Variants in IARS1 observed in about 807,000 individuals in gnomAD.
IARS1 encodes isoleucine--tRNA ligase, cytoplasmic.
In IARS1, 124 loss-of-function variants were observed where a neutral mutation model predicts 168.2. The ratio of observed to expected loss-of-function variants is 0.74; its 90% CI spans 0.64 to 0.86. The LOEUF is 0.86. Ranked by LOEUF, IARS1 falls within the 40% of genes least tolerant of loss-of-function variation. The pLI, the probability that IARS1 is intolerant of heterozygous loss-of-function variation, is 0.00. For missense variants in IARS1, 1,452 were observed against 1,515.8 expected, an observed-to-expected ratio of 0.96 and a Z score of 0.70; for synonymous variants, 532 against 529.4, an observed-to-expected ratio of 1.00 and a Z score of -0.07.
chr9:92,253,836 T>A (rs1370958395), intron 20 of IARS1: 1 of 486,794 alleles, frequency 2.1e-6, no homozygotes, highest in Non-Finnish European at 4.1e-6. Context: ...CTTTCCATTG[T>A]ATTACACTGT....
At chr9:92,290,897 C>T (rs1836215361) in intron 1 of IARS1, among the ~76,000 whole-genome samples, 1 of 152,062 alleles carries the variant, frequency 6.6e-6, no homozygotes, top group African/African-American at 2.4e-5. Flanking sequence ...TTGAGGAAAA[C>T]TGGTAAAACT....
At chr9:92,248,899 T>C (rs144269876) in intron 25 of IARS1, among the ~76,000 whole-genome samples, 2 of 152,262 alleles carry the variant, frequency 1.3e-5, no homozygotes, top group African/African-American at 2.4e-5. Context: ...GTAAAACATA[T>C]GCGTTTTTAA....
At chr9:92,243,918 G>A (rs184730675) in intron 27 of IARS1, among the ~76,000 whole-genome samples, 4 of 152,160 alleles carry the variant, frequency 2.6e-5, no homozygotes, top group Admixed American at 2.0e-4. Context: ...TGACACTATC[G>A]CTTCTGTTAC....
intron 17 of IARS1, among the ~76,000 whole-genome samples, chr9:92,260,644 G>C (rs2133795923): frequency 6.6e-6 from 1 of 152,294 alleles, no homozygotes; most frequent in South Asian, 2.1e-4. Flanking sequence ...AGCAGAGCAA[G>C]ACTCTGTCTC....
At chr9:92,265,182 T>G in intron 15 of IARS1, 59 bp from the exon 16 acceptor site, 1 of 1,390,716 alleles carries the variant, frequency 7.2e-7, no homozygotes, top group Non-Finnish European at 9.9e-7. Context: ...ACTTGCAGTT[T>G]AATTGCTAAT....
intron 22 of IARS1, 95 bp downstream of exon 22, chr9:92,251,713 A>C (rs989217574): frequency 7.2e-6 from 6 of 833,774 alleles, no homozygotes; most frequent in African/African-American, 1.7e-5. Context: ...TGGCAGAATA[A>C]TACAGAATGG....
At chr9:92,254,139 G>T (rs1197410580) in intron 20 of IARS1, among the ~76,000 whole-genome samples, 2 of 152,170 alleles carry the variant, frequency 1.3e-5, no homozygotes, top group Non-Finnish European at 2.9e-5. Context: ...GAATAAAATA[G>T]AACTGGCCTT....
At position 92,257,342 on chromosome 9, in the gene IARS1, G is replaced by A. The variant is rs984464074; in HGVS notation, c.2017-542C>T. 3.9e-5 allele frequency among the ~76,000 whole-genome samples: 6 copies of A among 152,204 alleles called. No homozygotes were observed. In the South Asian group the frequency reaches 1.2e-3, roughly 31 times the overall value. On this transcript the variant is annotated intron_variant, in intron 19 of 33. Transcript: ENST00000443024. ...CTGGCAGCACCACAACCAGGCTAGC[G>A]GGGCAGTGATAATGTGACTCTTCCT...
intron 33 of IARS1, among the ~76,000 whole-genome samples, chr9:92,218,999 T>A (rs1564154452): frequency 6.6e-6 from 1 of 152,142 alleles, no homozygotes; most frequent in Non-Finnish European, 1.5e-5. Flanking sequence ...GCTGGAGGCA[T>A]CACACTACCT....
chr9:92,257,470 AC>A (rs1830884344), intron 19 of IARS1, among the ~76,000 whole-genome samples: 1 of 152,160 alleles, frequency 6.6e-6, no homozygotes, highest in Non-Finnish European at 1.5e-5. Flanking sequence ...TGAGTCCCAC[AC>A]CAGTGGAGAC....
rs1837651746 is a variant in IARS1 at position 92,210,964 on chromosome 9, C to T, written c.3707-75G>A. ...GGGTGAATATTTAAAAAAATGTTAA[C>T]TGCTTGTGTAGTAAGGAATTTGGCC... On this transcript the variant is annotated intron_variant, in intron 33 of 33. Transcript: ENST00000443024. 7.4e-6 allele frequency: 7 copies of T among 948,004 alleles called. No individual in the cohort carries two copies. The Admixed American group carries it at 1.2e-4, about 17-fold the overall frequency. 58.7% of individuals were successfully genotyped at this position (948,004 alleles called of 1,614,324 possible). A position where few individuals can be genotyped will look rare whatever the true frequency, so the allele number is the denominator to read the frequency against.
chr9:92,259,105 A>G (rs946411311), intron 18 of IARS1, 107 bp from the exon 19 acceptor site: 1 of 972,562 alleles, frequency 1.0e-6, no homozygotes, highest in Admixed American at 3.0e-5. Flanking sequence ...TATTTTCTAC[A>G]AAAGGGGGTA....
At chr9:92,290,631 T>C (rs994547280) in intron 1 of IARS1, among the ~76,000 whole-genome samples, 2 of 152,204 alleles carry the variant, frequency 1.3e-5, no homozygotes, top group African/African-American at 2.4e-5. Flanking sequence ...GTTATAGATT[T>C]TTCGCTTACA....
intron 30 of IARS1, among the ~76,000 whole-genome samples, chr9:92,231,414 C>CT (rs869062848): frequency 0.037 from 4,976 of 135,062 alleles, 114 homozygotes; most frequent in South Asian, 0.078. Context: ...TTATTTTTTT[C>CT]TTTTTTTTTT....
intron 30 of IARS1, among the ~76,000 whole-genome samples, chr9:92,231,596 T>G (rs530188710): frequency 1.8e-4 from 27 of 151,022 alleles, no homozygotes; most frequent in African/African-American, 6.3e-4. Context: ...TATTTGTTTT[T>G]TTTTTTTTTT....
At chr9:92,282,313 T>G (rs1425844093) in intron 6 of IARS1, among the ~76,000 whole-genome samples, 1 of 152,002 alleles carries the variant, frequency 6.6e-6, no homozygotes, top group Non-Finnish European at 1.5e-5. Context: ...TTCTTTTCTT[T>G]TTTTTTTGAG....
chr9:92,281,962 G>A (rs1165125188), intron 6 of IARS1, among the ~76,000 whole-genome samples: 1 of 151,744 alleles, frequency 6.6e-6, no homozygotes, highest in Non-Finnish European at 1.5e-5. Flanking sequence ...GGTCTTTTTT[G>A]TTTTTCTTTC....
intron 1 of IARS1, among the ~76,000 whole-genome samples, chr9:92,291,335 T>C (rs1836294622): frequency 6.6e-6 from 1 of 152,144 alleles, no homozygotes; most frequent in Non-Finnish European, 1.5e-5. Flanking sequence ...AAAAGACACC[T>C]ACATACCTCA....
chr9:92,235,784 C>CA (rs1484024346), intron 30 of IARS1, among the ~76,000 whole-genome samples: 1 of 151,944 alleles, frequency 6.6e-6, no homozygotes, highest in African/African-American at 2.4e-5. Flanking sequence ...CTCAGCCTCC[C>CA]AAAGTGCTGG....
Sources: gnomAD v4.1 joint callset for allele counts (sites outside exome capture counted in the v4.1 genomes callset) on GRCh38, gnomAD v4.1.1 for gene constraint, MANE v1.5 for transcripts, NCBI Gene and HGNC (gene_info 2026-07-23, HGNC 2026-07-21) for gene names.